BRAF: variants seen among roughly 807,000 people sequenced by gnomAD.
BRAF encodes B-Raf proto-oncogene, serine/threonine kinase.
A neutral mutation model predicts 104.6 loss-of-function variants in BRAF; 16 were observed. That is an observed-to-expected ratio of 0.15 (90% CI 0.10 to 0.23). The LOEUF is 0.23. Among genes scored for constraint, BRAF ranks in the 10% least tolerant of loss-of-function variants. The probability of loss-of-function intolerance (pLI) is 1.00; values close to 1 mark genes in which losing one functional copy is unlikely to be tolerated. For missense variants in BRAF, 541 were observed against 937.3 expected, an observed-to-expected ratio of 0.58 and a Z score of 5.52; for synonymous variants, 310 against 341.6, an observed-to-expected ratio of 0.91 and a Z score of 1.02.
At chr7:140,792,283 A>C (rs1338049867) in intron 8 of BRAF, among the ~76,000 whole-genome samples, 1 of 151,608 alleles carries the variant, frequency 6.6e-6, no homozygotes, top group African/African-American at 2.4e-5. Context: ...TCTATCCTCC[A>C]CTCTACCATC....
chr7:140,854,776 C>T (rs1223579321), intron 1 of BRAF, among the ~76,000 whole-genome samples: 1 of 151,960 alleles, frequency 6.6e-6, no homozygotes, highest in Non-Finnish European at 1.5e-5. Flanking sequence ...GAAACCCCGT[C>T]TCTACTAAAA....
chr7:140,748,590 C>T (rs956072826), intron 17 of BRAF, among the ~76,000 whole-genome samples: 26 of 152,284 alleles, frequency 1.7e-4, no homozygotes, highest in African/African-American at 6.3e-4. Context: ...TCTCTCTACA[C>T]ACACAATCAC....
chr7:140,807,929 A>G (rs377042362), intron 5 of BRAF, 31 bp downstream of exon 5: 4 of 1,534,802 alleles, frequency 2.6e-6, no homozygotes, highest in Non-Finnish European at 3.6e-6. Flanking sequence ...AACATTTTTG[A>G]CATTTCAAAA....
chr7:140,776,832 A>T, intron 14 of BRAF, 80 bp downstream of exon 13: 1 of 1,393,214 alleles, frequency 7.2e-7, no homozygotes, highest in Non-Finnish European at 1.0e-6. Context: ...GCAATCCAAA[A>T]GAATAGCAGC....
chr7:140,861,577 C>T (rs1214244642), intron 1 of BRAF, among the ~76,000 whole-genome samples: 4 of 129,580 alleles, frequency 3.1e-5, no homozygotes, highest in Non-Finnish European at 5.1e-5. Flanking sequence ...ATGCAATCAA[C>T]GTTCTAGATT....
At chr7:140,914,084 A>C (rs1260028892) in intron 1 of BRAF, among the ~76,000 whole-genome samples, 1 of 152,292 alleles carries the variant, frequency 6.6e-6, no homozygotes, top group African/African-American at 2.4e-5. Context: ...AAACAAAAAA[A>C]AGAACAAAGA....
chr7:140,723,054 CTA>C lies in BRAF; in HGVS notation c.*3438_*3439del. ...ACTTTTCATATTTTAAAATAAATAACTATTCATTACCTCATTCTGAAGAGGTA... is the reference window on the plus strand; with the variant it reads ...ACTTTTCATATTTTAAAATAAATAACTTCATTACCTCATTCTGAAGAGGTA... On this transcript the variant is annotated 3_prime_UTR_variant, in exon 20 of 20. Coordinates refer to ENST00000644969, the MANE Select transcript of BRAF (RefSeq NM_001374258.1). The C allele has an allele frequency of 2.9e-6, 3 of 1,050,808 alleles. No homozygotes were observed. Among genetic ancestry groups the C allele is most frequent in the Non-Finnish European group, 3.4e-6 (3 of 870,274 alleles). The allele number at this position is 1,050,808 out of a possible 1,614,324, so 65.1% of individuals were successfully genotyped here.
At chr7:140,812,266 A>G (rs1804362696) in intron 3 of BRAF, among the ~76,000 whole-genome samples, 1 of 151,862 alleles carries the variant, frequency 6.6e-6, no homozygotes, top group Admixed American at 6.6e-5. Flanking sequence ...CTCTGAAACA[A>G]AATTTCATAG....
rs1765297920 is a variant in BRAF at position 140,753,981 on chromosome 7, T to C, written c.1861+206A>G. 13 of 598,302 alleles carry C rather than the reference T, an allele frequency of 2.2e-5. No individual in the cohort carries two copies. The South Asian group carries it at 2.4e-4, about 11-fold the overall frequency. The allele number at this position is 598,302 out of a possible 1,614,324, so 37.1% of individuals were successfully genotyped here. A position where few individuals can be genotyped will look rare whatever the true frequency, so the allele number is the denominator to read the frequency against. ...TACTATTGTAAAGACTTCTGATAGA[T>C]TTTCTTGTAATGTTCAGTTGTCGAG... On this transcript the variant is annotated intron_variant, in intron 15 of 19. Transcript: ENST00000644969.
chr7:140,719,305 C>G, downstream of BRAF: 1 of 898,822 alleles, frequency 1.1e-6, no homozygotes, highest in Non-Finnish European at 1.3e-6. Flanking sequence ...TGAATGTAAT[C>G]GTGTTAGAAA....
In BRAF at chr7:140,913,469, C is replaced by CTTTTTT. The variant is rs369746551; in HGVS notation, c.138+11091_138+11096dup. On this transcript the variant is annotated intron_variant, in intron 1 of 19. Coordinates refer to ENST00000644969, the MANE Select transcript of BRAF (RefSeq NM_001374258.1). ...ATGACAAAGCAAATGTTAATCACAGCTTTTTTTTTTTTTTTTTTTTTTTTT... is the reference window on the plus strand; with the variant it reads ...ATGACAAAGCAAATGTTAATCACAGCTTTTTTTTTTTTTTTTTTTTTTTTTTTTTTT... Among the ~76,000 whole-genome samples, 152 of 57,024 alleles carry CTTTTTT rather than the reference C, an allele frequency of 2.7e-3. 23 individuals are homozygous for CTTTTTT. Among genetic ancestry groups the CTTTTTT allele is most frequent in the Admixed American group, 5.7e-3 (18 of 3,178 alleles). The allele number at this position is 57,024 out of a possible 152,430, so 37.4% of individuals were successfully genotyped here. A position where few individuals can be genotyped will look rare whatever the true frequency, so the allele number is the denominator to read the frequency against.
intron 1 of BRAF, among the ~76,000 whole-genome samples, chr7:140,902,920 C>CT (rs111746402): frequency 0.079 from 9,876 of 125,470 alleles, 1,402 homozygotes; most frequent in African/African-American, 0.27. Context: ...GACAGGATGA[C>CT]TTTTTTTTTT....
At chr7:140,766,516 C>T (rs1263369452) in intron 14 of BRAF, among the ~76,000 whole-genome samples, 2 of 152,128 alleles carry the variant, frequency 1.3e-5, no homozygotes, top group African/African-American at 2.4e-5. Flanking sequence ...ACACCTTCCA[C>T]ATAGATTCCA....
chr7:140,909,850 A>C (rs1156669411), intron 1 of BRAF, among the ~76,000 whole-genome samples: 4 of 151,868 alleles, frequency 2.6e-5, no homozygotes, highest in Admixed American at 2.6e-4. Context: ...AACAACAAAA[A>C]AGTGCCTCAT....
At chr7:140,734,804 AAAG>A in intron 18 of BRAF, 34 bp from the exon 18 acceptor site, 6 of 1,426,820 alleles carry the variant, frequency 4.2e-6, no homozygotes, top group Middle Eastern at 2.5e-4. Flanking sequence ...AAAGAAAAAA[AAAG>A]AAAAAAGAAA....
intron 8 of BRAF, 63 bp from the exon 9 acceptor site, chr7:140,787,647 C>T (rs1161855000): frequency 7.2e-7 from 1 of 1,393,650 alleles, no homozygotes; most frequent in Non-Finnish European, 1.0e-6. Context: ...GTAGCGATAA[C>T]ACTGAATTTT....
At chr7:140,834,038 G>A (rs1048838374) in intron 3 of BRAF, 1 of 156,962 alleles carries the variant, frequency 6.4e-6, no homozygotes, top group African/African-American at 2.4e-5. Context: ...GTATACAGAT[G>A]GGTTACTTAT....
At chr7:140,753,962 T>C (rs1797996929) in intron 15 of BRAF, 2 of 578,292 alleles carry the variant, frequency 3.5e-6, no homozygotes, top group East Asian at 5.9e-5. Flanking sequence ...CTCCTACTAT[T>C]GTAAAGACTT....
chr7:140,783,549 T>TA (rs1255905646), intron 10 of BRAF: 14 of 231,754 alleles, frequency 6.0e-5, no homozygotes, highest in African/African-American at 2.9e-4. Flanking sequence ...ACATTTTTAA[T>TA]TAATTATTTA....
Sources: allele counts gnomAD v4.1 joint callset (sites outside exome capture counted in the v4.1 genomes callset), GRCh38; gene constraint gnomAD v4.1.1; transcripts MANE v1.5; gene names NCBI Gene and HGNC (gene_info 2026-07-23, HGNC 2026-07-21).